GPCPD1: variants seen among roughly 807,000 people sequenced by gnomAD.
The protein encoded by GPCPD1 is glycerophosphocholine phosphodiesterase 1.
GPCPD1 carries 29 observed loss-of-function variants against 89.2 expected under a neutral mutation model. The ratio of observed to expected loss-of-function variants is 0.33; its 90% CI spans 0.24 to 0.44. The LOEUF is 0.44. GPCPD1 is among the 20% of genes least tolerant of loss of function. The pLI is 1.00. For synonymous variants in GPCPD1, 258 were observed against 266.3 expected, an observed-to-expected ratio of 0.97 and a Z score of 0.30; for missense variants, 594 against 808.9, an observed-to-expected ratio of 0.73 and a Z score of 3.22.
chr20:5,583,238 A>C (rs1404746072), intron 6 of GPCPD1, among the ~76,000 whole-genome samples: 1 of 150,920 alleles, frequency 6.6e-6, no homozygotes, highest in African/African-American at 2.4e-5. Context: ...AAAAAAAAAA[A>C]AAAAAAAAAA....
chr20:5,594,915 T>C (rs1042140280), intron 3 of GPCPD1, among the ~76,000 whole-genome samples: 1 of 152,256 alleles, frequency 6.6e-6, no homozygotes, highest in Admixed American at 6.5e-5. Context: ...AATCTCATAA[T>C]GTTTCAAACT....
chr20:5,600,593 G>A (rs1310587961), intron 2 of GPCPD1, among the ~76,000 whole-genome samples: 1 of 152,194 alleles, frequency 6.6e-6, no homozygotes, highest in East Asian at 1.9e-4. Context: ...CAGCACTTTG[G>A]GAGGCCAAGG....
intron 15 of GPCPD1, among the ~76,000 whole-genome samples, chr20:5,563,005 C>A (rs6076851): frequency 7.5e-5 from 11 of 146,894 alleles, no homozygotes; most frequent in African/African-American, 2.8e-4. Flanking sequence ...TTTTTTGAGA[C>A]GGAGTCTCGC....
At chr20:5,606,122 T>C (rs1314440745) in intron 1 of GPCPD1, among the ~76,000 whole-genome samples, 1 of 152,228 alleles carries the variant, frequency 6.6e-6, no homozygotes, top group Admixed American at 6.5e-5. Flanking sequence ...CAAAGGAATC[T>C]GTTTCCCATC....
At chr20:5,583,407 G>A (rs1253618792) in intron 6 of GPCPD1, among the ~76,000 whole-genome samples, 2 of 151,610 alleles carry the variant, frequency 1.3e-5, no homozygotes, top group African/African-American at 4.9e-5. Context: ...AATTAGCTGG[G>A]CATGGTAGCA....
At position 5,577,056 on chromosome 20, in the gene GPCPD1, T is replaced by G. The variant is rs550280146; in HGVS notation, c.706-1078A>C. 1.0e-3 allele frequency among the ~76,000 whole-genome samples: 118 copies of G among 112,672 alleles called. No individual in the cohort carries two copies. The Middle Eastern group carries it at 0.017, about 16-fold the overall frequency. The allele number at this position is 112,672 out of a possible 152,430, so 73.9% of individuals were successfully genotyped here. A position where few individuals can be genotyped will look rare whatever the true frequency, so the allele number is the denominator to read the frequency against. On this transcript the variant is annotated intron_variant, in intron 8 of 19. Transcript: ENST00000379019. ...TCTCAACAACAAAAAAAAAGTTGTT[T>G]TTTTTTTTGTTTTTTTTTTTTTTTC...
chr20:5,581,176 C>A (rs1031938649), intron 6 of GPCPD1, among the ~76,000 whole-genome samples: 1 of 152,150 alleles, frequency 6.6e-6, no homozygotes, highest in Admixed American at 6.5e-5. Flanking sequence ...CCTCACCCTG[C>A]CCACATTCAC....
Position 5,575,802 on chromosome 20 carries a change from G to C in GPCPD1, c.868+14C>G. Reference sequence around the variant, plus strand: ...ACTTAACCTTGGGTTATTTGGCAGTGTCTTCAACCTTACCTCTCACTTTGC... The same window carrying C: ...ACTTAACCTTGGGTTATTTGGCAGTCTCTTCAACCTTACCTCTCACTTTGC... On this transcript the variant is annotated intron_variant, in intron 9 of 19. Coordinates refer to ENST00000379019, the MANE Select transcript of GPCPD1 (RefSeq NM_019593.5). 2 of 1,568,418 alleles carry C rather than the reference G, an allele frequency of 1.3e-6. No individual in the cohort carries two copies. The highest frequency in any genetic ancestry group is 8.8e-7 in the Non-Finnish European group (1 of 1,141,454).
intron 3 of GPCPD1, among the ~76,000 whole-genome samples, chr20:5,594,289 AG>A (rs1979543835): frequency 6.6e-6 from 1 of 151,568 alleles, no homozygotes; most frequent in African/African-American, 2.4e-5. Context: ...ACAAGCCTCC[AG>A]GTAACTTTTT....
chr20:5,550,461 C>T (rs1481641409), intron 19 of GPCPD1, among the ~76,000 whole-genome samples: 2 of 152,080 alleles, frequency 1.3e-5, no homozygotes, highest in Non-Finnish European at 2.9e-5. Context: ...CATGTATTGA[C>T]AGACTAAAAG....
chr20:5,550,606 A>T (rs1985351293), intron 19 of GPCPD1, among the ~76,000 whole-genome samples: 1 of 152,242 alleles, frequency 6.6e-6, no homozygotes, highest in African/African-American at 2.4e-5. Flanking sequence ...CATGTGTGAG[A>T]ACATAATCAA....
At chr20:5,562,307 T>A (rs571834441) in intron 15 of GPCPD1, among the ~76,000 whole-genome samples, 1 of 152,138 alleles carries the variant, frequency 6.6e-6, no homozygotes, top group Non-Finnish European at 1.5e-5. Context: ...TTTTGAGGCA[T>A]AGTCTCACTC....
rs1980395630 is a variant in GPCPD1 at position 5,604,347 on chromosome 20, T to C, written c.49+17A>G. The C allele has an allele frequency of 7.7e-7, 1 of 1,295,132 alleles. No individual in the cohort carries two copies. Among genetic ancestry groups the C allele is most frequent in the East Asian group, 2.3e-5 (1 of 43,404 alleles). The allele number at this position is 1,295,132 out of a possible 1,614,324, so 80.2% of individuals were successfully genotyped here. The stretch of plus-strand genomic sequence containing the variant: ...TAATTTAATTTTAATTGTTTTAAAG[T>C]AAAACTTTTACAATACCTGGTAAAA... On this transcript the variant is annotated intron_variant, in intron 2 of 19. Transcript: ENST00000379019.
At chr20:5,578,847 T>C (rs16991111) in intron 7 of GPCPD1, among the ~76,000 whole-genome samples, 14,156 of 152,190 alleles carry the variant, frequency 0.093, 1,092 homozygotes, top group African/African-American at 0.21. Flanking sequence ...ATGGGATAAA[T>C]GACCATTATG....
At chr20:5,568,902 G>A (rs57064258) in intron 12 of GPCPD1, among the ~76,000 whole-genome samples, 1,530 of 151,950 alleles carry the variant, frequency 0.01, 24 homozygotes, top group African/African-American at 0.03. Flanking sequence ...AGCGAGACTC[G>A]GTCTCAAATA....
intron 18 of GPCPD1, among the ~76,000 whole-genome samples, chr20:5,558,385 C>G (rs1568644900): frequency 6.6e-6 from 1 of 152,134 alleles, no homozygotes; most frequent in Admixed American, 6.6e-5. Flanking sequence ...TCACGTTCAT[C>G]TGTAAAATGG....
intron 19 of GPCPD1, among the ~76,000 whole-genome samples, chr20:5,557,233 A>T (rs1427645225): frequency 6.6e-6 from 1 of 152,204 alleles, no homozygotes; most frequent in Non-Finnish European, 1.5e-5. Flanking sequence ...ATGATCAGAC[A>T]TAGGTCTTAA....
chr20:5,557,575 G>A (rs1985844713), intron 19 of GPCPD1, among the ~76,000 whole-genome samples: 1 of 152,048 alleles, frequency 6.6e-6, no homozygotes, highest in African/African-American at 2.4e-5. Flanking sequence ...CAGAGGTCTA[G>A]GGAAGGGTCT....
chr20:5,549,402 A>C, intron 19 of GPCPD1: 1 of 1,208,240 alleles, frequency 8.3e-7, no homozygotes, highest in Non-Finnish European at 1.2e-6. Context: ...CTTCCTCCAA[A>C]CATCGTGATT....
Sources: allele counts gnomAD v4.1 joint callset (sites outside exome capture counted in the v4.1 genomes callset), GRCh38; gene constraint gnomAD v4.1.1; transcripts MANE v1.5; gene names NCBI Gene and HGNC (gene_info 2026-07-23, HGNC 2026-07-21).